Variants in ANK2 observed in about 807,000 individuals in gnomAD.
ANK2 encodes the protein ankyrin-2.
In ANK2, 83 loss-of-function variants were observed where a neutral mutation model predicts 360.5. The ratio of observed to expected loss-of-function variants is 0.23; its 90% CI spans 0.19 to 0.28. The LOEUF (loss-of-function observed/expected upper bound fraction) is 0.28, where lower values mean the gene tolerates loss of function less well. Among genes scored for constraint, ANK2 ranks in the 10% least tolerant of loss-of-function variants. The pLI is 1.00. For synonymous variants in ANK2, 1,740 were observed against 1,759.5 expected (o/e 0.99, Z 0.28); for missense variants, 4,201 against 4,795.7 (o/e 0.88, Z 3.66).
intron 2 of ANK2, among the ~76,000 whole-genome samples, chr4:112,915,504 A>G (rs1465311737): frequency 6.6e-6 from 1 of 152,170 alleles, no homozygotes; most frequent in Admixed American, 6.5e-5. Flanking sequence ...TAGTCCCAAC[A>G]CTTTGGGAGG....
At chr4:112,914,849 A>G (rs2089176382) in intron 2 of ANK2, among the ~76,000 whole-genome samples, 1 of 152,166 alleles carries the variant, frequency 6.6e-6, no homozygotes, top group East Asian at 1.9e-4. Context: ...TGTCAAAGGT[A>G]AGAGCATAAT....
rs182367108 is a variant in ANK2, at chr4:113,140,998, T to G, written c.85-33418T>G. ...CGTTTAAAAAAAAAAAAGCATAAAT[T>G]AATCGAAACATTTGAAGGAAAATAA... On this transcript the variant is annotated intron_variant, in intron 1 of 45. Transcript: ENST00000357077. Among the ~76,000 whole-genome samples, 12 of 152,064 alleles carry G rather than the reference T, an allele frequency of 7.9e-5. No homozygotes were observed. In the East Asian group the frequency reaches 2.3e-3, roughly 29 times the overall value.
chr4:112,917,968 TA>T (rs1312910240), intron 2 of ANK2, among the ~76,000 whole-genome samples: 2 of 152,134 alleles, frequency 1.3e-5, no homozygotes, highest in Non-Finnish European at 2.9e-5. Flanking sequence ...ACTACCTGCA[TA>T]AAAAAGATTA....
the ANK2 span, among the ~76,000 whole-genome samples, chr4:112,752,976 T>G: frequency 6.6e-6 from 1 of 152,156 alleles, no homozygotes; most frequent in East Asian, 1.9e-4. Flanking sequence ...CCCACTCTTC[T>G]AAGCAACACC....
Position 113,166,445 on chromosome 4 carries a change from G to A in ANK2, c.85-7971G>A, listed in dbSNP as rs554216472. 2.7e-3 allele frequency among the ~76,000 whole-genome samples: 406 copies of A among 150,838 alleles called. 1 individual carries two copies. The highest frequency in any genetic ancestry group is 9.5e-3 in the African/African-American group (393 of 41,216). ...CTCATATAAGTGTGTATGTATATAT[G>A]TATATATATATATGCATACATACAT... On this transcript the variant is annotated intron_variant, in intron 1 of 45. Coordinates refer to ENST00000357077, the MANE Select transcript of ANK2 (RefSeq NM_001148.6).
chr4:113,331,908 G>A, intron 27 of ANK2, 64 bp from the exon 28 acceptor site: 3 of 1,463,968 alleles, frequency 2.0e-6, no homozygotes, highest in Non-Finnish European at 2.9e-6. Flanking sequence ...CTGGGGTTCT[G>A]TGGAAGACAA....
intron 1 of ANK2, among the ~76,000 whole-genome samples, chr4:113,156,390 G>A (rs575815948): frequency 0.018 from 632 of 35,784 alleles, 7 homozygotes; most frequent in African/African-American, 0.076. Context: ...TTGTTTTTGA[G>A]ACAGAGTTTC....
intron 2 of ANK2, among the ~76,000 whole-genome samples, chr4:113,041,935 C>T (rs1166256884): frequency 6.6e-6 from 1 of 152,122 alleles, no homozygotes. Context: ...GAGCAGTCCA[C>T]GCTTATGACC....
chr4:112,799,269 G>A, the ANK2 span, among the ~76,000 whole-genome samples: 3 of 152,124 alleles, frequency 2.0e-5, no homozygotes, highest in African/African-American at 7.2e-5. Flanking sequence ...TGTGAATAAT[G>A]CTGCATGAAC....
At chr4:112,967,371 A>G (rs2037684833) in intron 2 of ANK2, among the ~76,000 whole-genome samples, 1 of 152,240 alleles carries the variant, frequency 6.6e-6, no homozygotes, top group South Asian at 2.1e-4. Flanking sequence ...CCCAAGTTAC[A>G]TAATCATGTG....
At chr4:113,050,759 T>A (rs1047800922) in intron 1 of ANK2, among the ~76,000 whole-genome samples, 1 of 152,214 alleles carries the variant, frequency 6.6e-6, no homozygotes. Context: ...TGGTTTTGGA[T>A]TTTGAATAAG....
At chr4:113,049,858 T>A (rs1420485922) in intron 1 of ANK2, 46 bp downstream of exon 1, 1 of 1,599,662 alleles carries the variant, frequency 6.3e-7, no homozygotes, top group East Asian at 2.2e-5. Flanking sequence ...TATGTATGTG[T>A]GTGCATGTGT....
In ANK2 at chr4:113,335,964, A is replaced by G. The variant is rs750845305; in HGVS notation, c.3498A>G (p.Pro1166=). The change falls in exon 30 of 46, where the codon CCA becomes CCG. Residue 1166 remains proline (P), a synonymous_variant. Transcript: ENST00000357077. ...AACAGGACAGCAATCTGATTGGCCC[A>G]GAAGGAGGTGTACTGAGCAGCACAG... The part of the protein sequence containing the change: ...RIKQDSNLIG[P]EGGVLSSTVV... 1 of 1,614,178 alleles carries G rather than the reference A, an allele frequency of 6.2e-7. No homozygotes were observed. The highest frequency in any genetic ancestry group is 8.5e-7 in the Non-Finnish European group (1 of 1,180,038).
At chr4:112,971,809 A>G (rs1446001957) in intron 2 of ANK2, among the ~76,000 whole-genome samples, 5 of 152,232 alleles carry the variant, frequency 3.3e-5, no homozygotes, top group Non-Finnish European at 7.3e-5. Flanking sequence ...AACAGATGTC[A>G]TAGGGCTATT....
intron 1 of ANK2, among the ~76,000 whole-genome samples, chr4:113,105,500 T>A (rs2093499272): frequency 6.6e-6 from 1 of 152,154 alleles, no homozygotes; most frequent in African/African-American, 2.4e-5. Context: ...TTGAAAAGAT[T>A]AGCTATATGG....
intron 2 of ANK2, among the ~76,000 whole-genome samples, chr4:113,024,103 A>G (rs2058740370): frequency 6.6e-6 from 1 of 152,194 alleles, no homozygotes; most frequent in Non-Finnish European, 1.5e-5. Context: ...TTAGCACAGT[A>G]CATAGGCTCA....
At chr4:112,914,073 A>G (rs933678865) in intron 2 of ANK2, among the ~76,000 whole-genome samples, 1 of 152,096 alleles carries the variant, frequency 6.6e-6, no homozygotes, top group African/African-American at 2.4e-5. Context: ...CTTTTGTGAA[A>G]GTGGAAACTG....
intron 2 of ANK2, among the ~76,000 whole-genome samples, chr4:113,013,756 A>G (rs2055594374): frequency 6.6e-6 from 1 of 152,228 alleles, no homozygotes; most frequent in South Asian, 2.1e-4. Flanking sequence ...CCCCTCAAAC[A>G]TACACTCAAA....
chr4:113,167,137 G>A (rs918695604), intron 1 of ANK2, among the ~76,000 whole-genome samples: 5 of 152,032 alleles, frequency 3.3e-5, no homozygotes, highest in Non-Finnish European at 5.9e-5. Context: ...GTGAAAAAAA[G>A]ATAATGCTTT....
Sources: allele counts gnomAD v4.1 joint callset (sites outside exome capture counted in the v4.1 genomes callset), GRCh38; gene constraint gnomAD v4.1.1; transcripts MANE v1.5; gene names NCBI Gene and HGNC (gene_info 2026-07-23, HGNC 2026-07-21).